Variants in AGGF1 observed in about 807,000 individuals in gnomAD.
AGGF1 encodes the protein angiogenic factor with G patch and FHA domains 1.
AGGF1 carries 56 observed loss-of-function variants against 86.5 expected under a neutral mutation model. The ratio of observed to expected loss-of-function variants is 0.65; its 90% CI spans 0.52 to 0.81. The LOEUF (loss-of-function observed/expected upper bound fraction) is 0.81. Ranked by LOEUF, AGGF1 falls within the 30% of genes least tolerant of loss-of-function variation. The probability of loss-of-function intolerance (pLI) is 0.00; values close to 1 mark genes in which losing one functional copy is unlikely to be tolerated. For missense variants in AGGF1, 816 were observed against 850.9 expected (o/e 0.96, Z 0.51); for synonymous variants, 313 against 297.1 (o/e 1.05, Z -0.55).
chr5:77,060,681 G>A (rs1164287150), intron 12 of AGGF1, among the ~76,000 whole-genome samples: 2 of 152,078 alleles, frequency 1.3e-5, no homozygotes, highest in Non-Finnish European at 2.9e-5. Context: ...GACTCTAAGA[G>A]TTTTATGGTT....
Position 77,063,573 on chromosome 5 carries a change from A to T in AGGF1, c.*321A>T. On this transcript the variant is annotated 3_prime_UTR_variant, in exon 14 of 14. Transcript: ENST00000312916. ...AGCAAAATTCATAGAACTACTAATGACTTAAGTGTACATCTGTTCTTGTCT... is the reference window on the plus strand; with the variant it reads ...AGCAAAATTCATAGAACTACTAATGTCTTAAGTGTACATCTGTTCTTGTCT... The T allele has an allele frequency of 3.1e-6, 1 of 324,134 alleles. No individual in the cohort carries two copies. The highest frequency in any genetic ancestry group is 7.8e-5 in the East Asian group (1 of 12,844). The allele number at this position is 324,134 out of a possible 1,614,324, so 20.1% of individuals were successfully genotyped here.
chr5:77,031,524 T>A (rs1175536983), intron 1 of AGGF1, among the ~76,000 whole-genome samples: 1 of 152,230 alleles, frequency 6.6e-6, no homozygotes, highest in Non-Finnish European at 1.5e-5. Flanking sequence ...TATAACTGCT[T>A]TTGTTGGAGA....
At chr5:77,047,766 C>T (rs529669270) in intron 6 of AGGF1, among the ~76,000 whole-genome samples, 4 of 149,544 alleles carry the variant, frequency 2.7e-5, no homozygotes, top group South Asian at 4.2e-4. Context: ...GATCTGCCTG[C>T]GTCGGCCCCC....
chr5:77,046,479 G>C lies in AGGF1; in HGVS notation c.1003G>C (p.Val335Leu), dbSNP rs769340755. The change falls in exon 6 of 14, where the codon GTT becomes CTT. Residue 335 changes from valine (V) to leucine (L), a missense_variant. Coordinates refer to ENST00000312916, the MANE Select transcript of AGGF1 (RefSeq NM_018046.5). The stretch of plus-strand genomic sequence containing the variant: ...CAAAAATAGTCCCCCCAAAGTCACT[G>C]TTCCAACTAGTGGAAATACTATAGA... ...HHKNSPPKVT[V>L]PTSGNTIESP... 6.2e-7 allele frequency: 1 copy of C among 1,614,044 alleles called. No individual in the cohort carries two copies. Among genetic ancestry groups the C allele is most frequent in the Admixed American group, 1.7e-5 (1 of 60,018 alleles).
chr5:77,063,407 C>A lies in AGGF1; in HGVS notation c.*155C>A. The A allele has an allele frequency of 1.2e-6, 1 of 837,248 alleles. No individual in the cohort carries two copies. Among genetic ancestry groups the A allele is most frequent in the Non-Finnish European group, 1.9e-6 (1 of 539,062 alleles). 51.9% of individuals were successfully genotyped at this position (837,248 alleles called of 1,614,324 possible). ...TGTATGGTTTGCAGCTTTTAAAAACCATTTTTTTAAAACTAATAAATAGTG... is the reference window on the plus strand; with the variant it reads ...TGTATGGTTTGCAGCTTTTAAAAACAATTTTTTTAAAACTAATAAATAGTG... On this transcript the variant is annotated 3_prime_UTR_variant, in exon 14 of 14. Transcript: ENST00000312916.
chr5:77,061,870 C>T, intron 13 of AGGF1, 68 bp downstream of exon 13: 2 of 1,440,982 alleles, frequency 1.4e-6, no homozygotes, highest in Non-Finnish European at 2.0e-6. Context: ...ATTAATGTGC[C>T]AAACGTTGCC....
At chr5:77,040,429 A>T (rs1048230122) in intron 5 of AGGF1, among the ~76,000 whole-genome samples, 19 of 151,926 alleles carry the variant, frequency 1.3e-4, no homozygotes, top group Non-Finnish European at 1.8e-4. Flanking sequence ...TTAAAAAAAA[A>T]AAAAAAATCC....
At position 77,052,731 on chromosome 5, in the gene AGGF1, A is replaced by G; in HGVS notation, c.1391A>G (p.His464Arg). The G allele has an allele frequency of 1.2e-6, 2 of 1,613,556 alleles. No individual in the cohort carries two copies. Among genetic ancestry groups the G allele is most frequent in the South Asian group, 1.1e-5 (1 of 90,978 alleles). Reference protein sequence around the residue: ...SKFHAEIYFDHDLQSYVLVDQ... With the variant: ...SKFHAEIYFDRDLQSYVLVDQ... ...TTTCATGCAGAAATTTATTTTGACC[A>G]TGACTTACAAAGTTATGTCCTTGTG... Residue 464 changes from histidine (H) to arginine (R), a missense_variant, in exon 9 of 14, where the codon CAT (histidine) becomes CGT (arginine). His to Arg is a conservative substitution (Grantham distance 29). This residue lies in a region of AGGF1 where 565 missense variants were observed against 585.8 expected (regional missense o/e 0.96). Coordinates refer to ENST00000312916, the MANE Select transcript of AGGF1 (RefSeq NM_018046.5).
rs139798328 is a variant in AGGF1 at position 77,046,415 on chromosome 5, C to T, written c.939C>T (p.Phe313=). 4.3e-4 allele frequency: 701 copies of T among 1,613,784 alleles called. 1 individual carries two copies. The highest frequency in any genetic ancestry group is 4.9e-4 in the Non-Finnish European group (581 of 1,179,972). ...CAAGCTGCAATGAGGAAGAAAATTT[C>T]GCAAATATGAAAAAGAAGGCCAAAA... The part of the protein sequence containing the change: ...EHTSCNEEEN[F]ANMKKKAKIG... The change falls in exon 6 of 14, where the codon TTC becomes TTT. Residue 313 remains phenylalanine (F), a synonymous_variant. Coordinates refer to ENST00000312916, the MANE Select transcript of AGGF1 (RefSeq NM_018046.5).
chr5:77,052,850 A>G (rs1427233069), intron 9 of AGGF1, 43 bp downstream of exon 9: 10 of 1,482,396 alleles, frequency 6.7e-6, no homozygotes, highest in Non-Finnish European at 9.4e-6. Context: ...CATTATTTTT[A>G]AACTGATTTT....
At position 77,034,458 on chromosome 5, in the gene AGGF1, A is replaced by C; in HGVS notation, c.251A>C (p.Glu84Ala). ...AAAATACTCCAACGTGGGAGAAATG[A>C]AGATAATAAAAAGTCTGATGTAGAA... Reference protein sequence around the residue: ...LSKILQRGRNEDNKKSDVEVQ... With the variant: ...LSKILQRGRNADNKKSDVEVQ... The change falls in exon 2 of 14, where the codon GAA becomes GCA. Residue 84 changes from glutamate (E) to alanine (A), a missense_variant. Around this residue, in one of 3 missense-constraint regions of AGGF1, gnomAD observed 240 missense variants for 234.4 expected, o/e 1.02. Transcript: ENST00000312916. The C allele has an allele frequency of 6.2e-7, 1 of 1,613,628 alleles. No homozygotes were observed. The highest frequency in any genetic ancestry group is 1.1e-5 in the South Asian group (1 of 91,072).
In AGGF1 at chr5:77,046,611, G is replaced by C. The variant is rs1461558007; in HGVS notation, c.1135G>C (p.Glu379Gln). Residue 379 changes from glutamate to glutamine, a missense_variant, in exon 6 of 14, where the codon GAG (glutamate) becomes CAG (glutamine). By Grantham distance (29) the Glu-to-Gln change is conservative (BLOSUM62 2). Coordinates refer to ENST00000312916, the MANE Select transcript of AGGF1 (RefSeq NM_018046.5). ...AGGTGAAATTACAGACTCTCAGACT[G>C]AGGATAGTTATGACGAAGCCATTAC... ...EEGEITDSQT[E>Q]DSYDEAITSE... 1.2e-6 allele frequency: 2 copies of C among 1,614,048 alleles called. No homozygotes were observed. Among genetic ancestry groups the C allele is most frequent in the South Asian group, 2.2e-5 (2 of 91,076 alleles).
At chr5:77,047,816 C>CTT (rs1747298703) in intron 6 of AGGF1, among the ~76,000 whole-genome samples, 1 of 139,234 alleles carries the variant, frequency 7.2e-6, no homozygotes. Flanking sequence ...CTGTGCCTGG[C>CTT]CTTTTTTTTT....
chr5:77,043,597 C>CCCT (rs1554046454), intron 5 of AGGF1, among the ~76,000 whole-genome samples: 17 of 51,030 alleles, frequency 3.3e-4, no homozygotes, highest in Admixed American at 5.8e-4. Context: ...ACCCCCCCCC[C>CCCT]CCCGGATGGC....
chr5:77,031,190 C>T (rs1457018504), intron 1 of AGGF1, among the ~76,000 whole-genome samples: 1 of 152,208 alleles, frequency 6.6e-6, no homozygotes, highest in East Asian at 1.9e-4. Context: ...TCGCGGCTGG[C>T]GTGAATTGAA....
chr5:77,038,692 A>C (rs1035876290), intron 4 of AGGF1, among the ~76,000 whole-genome samples: 2 of 152,178 alleles, frequency 1.3e-5, no homozygotes, highest in Non-Finnish European at 2.9e-5. Context: ...AAAATAAATT[A>C]TTCTTTTTCA....
chr5:77,031,536 G>A (rs977062957), intron 1 of AGGF1, among the ~76,000 whole-genome samples: 2 of 152,188 alleles, frequency 1.3e-5, no homozygotes, highest in Non-Finnish European at 2.9e-5. Flanking sequence ...TGTTGGAGAC[G>A]TTAAGCAGCT....
intron 8 of AGGF1, among the ~76,000 whole-genome samples, chr5:77,049,363 C>T (rs760435972): frequency 6.6e-6 from 1 of 152,058 alleles, no homozygotes; most frequent in Non-Finnish European, 1.5e-5. Flanking sequence ...CGGAGGATTT[C>T]ACAACCCAAG....
Position 77,061,707 on chromosome 5 carries a change from AT to A in AGGF1, c.1851del (p.Thr618LeufsTer28). 2.5e-6 allele frequency: 4 copies of A among 1,604,992 alleles called. No individual in the cohort carries two copies. The highest frequency in any genetic ancestry group is 3.4e-6 in the Non-Finnish European group (4 of 1,174,060). ...DDAPASVHSEITDSNKGRKML... is the reference protein window; with the variant it reads ...DDAPASVHSEXTDSNKGRKML... Reference sequence around the variant, plus strand: ...TCATTTTAATATTCCTTAAAGTGAAATTACTGATAGCAACAAAGGTCGGAAG... The same window carrying A: ...TCATTTTAATATTCCTTAAAGTGAAATACTGATAGCAACAAAGGTCGGAAG... On this transcript the variant is annotated frameshift_variant, in exon 13 of 14. Coordinates refer to ENST00000312916, the MANE Select transcript of AGGF1 (RefSeq NM_018046.5). LOFTEE classifies it high-confidence loss of function.
Sources: allele counts gnomAD v4.1 joint callset (sites outside exome capture counted in the v4.1 genomes callset), GRCh38; gene constraint gnomAD v4.1.1; regional missense constraint gnomAD v4.1.1; transcripts MANE v1.5; gene names NCBI Gene and HGNC (gene_info 2026-07-23, HGNC 2026-07-21).